The following DIAPH2 variants were observed in gnomAD, a reference collection of about 807,000 sequenced individuals.
DIAPH2 encodes diaphanous related formin 2.
DIAPH2 carries 35 observed loss-of-function variants against 92.7 expected under a neutral mutation model. That is an observed-to-expected ratio of 0.38 (90% CI 0.29 to 0.50). DIAPH2 has a LOEUF of 0.50. Among genes scored for constraint, DIAPH2 ranks in the 20% least tolerant of loss-of-function variants. The pLI, the probability that DIAPH2 is intolerant of heterozygous loss-of-function variation, is 0.94. For synonymous variants in DIAPH2, 301 were observed against 280.4 expected (o/e 1.07, Z -0.73); for missense variants, 701 against 819.5 (o/e 0.86, Z 1.77).
chrX:96,774,142 T>A (rs1356427743), intron 4 of DIAPH2, among the ~76,000 whole-genome samples: 1 of 111,821 alleles, frequency 8.9e-6, no homozygotes, highest in Non-Finnish European at 1.9e-5. Context: ...TAGGAAAGTG[T>A]GGCTTAGAAA....
At chrX:96,891,532 A>G (rs1462837155) in intron 5 of DIAPH2, among the ~76,000 whole-genome samples, 2 of 112,056 alleles carry the variant, frequency 1.8e-5, no homozygotes, top group Non-Finnish European at 3.8e-5. Flanking sequence ...ATGAGTTTGG[A>G]CAGTTTTATT....
chrX:96,731,054 A>C (rs918789433), intron 1 of DIAPH2, among the ~76,000 whole-genome samples: 3 of 111,027 alleles, frequency 2.7e-5, no homozygotes, highest in African/African-American at 9.8e-5. Context: ...TCACAAGGTA[A>C]TGTCATCAGT....
rs1418955273 is a variant in DIAPH2, at chrX:97,506,540, G to C, written c.3241+76795G>C. On this transcript the variant is annotated intron_variant, in intron 26 of 26. Transcript: ENST00000324765. Reference sequence around the variant, plus strand: ...TGCCATAATTCTTTCTTGGCTTATAGTTTCTGAAAGGTGTTGAAACGATTA... The same window carrying C: ...TGCCATAATTCTTTCTTGGCTTATACTTTCTGAAAGGTGTTGAAACGATTA... 3.0e-5 allele frequency among the ~76,000 whole-genome samples: 3 copies of C among 100,748 alleles called. No homozygotes were observed. The Admixed American group carries it at 3.4e-4, about 11-fold the overall frequency. 87.5% of individuals were successfully genotyped at this position (100,748 alleles called of 115,157 possible).
At chrX:97,501,121 A>G (rs182991711) in intron 26 of DIAPH2, among the ~76,000 whole-genome samples, 200 of 109,290 alleles carry the variant, frequency 1.8e-3, no homozygotes, top group Middle Eastern at 0.014. Context: ...CATTTAAGTG[A>G]ATGGCCCCCA....
rs144141687 is a variant in DIAPH2 at position 97,107,323 on chromosome X, C to T, written c.2350-7403C>T. Among the ~76,000 whole-genome samples, 363 of 111,524 alleles carry T rather than the reference C, an allele frequency of 3.3e-3. 1 individual carries two copies. Among genetic ancestry groups the T allele is most frequent in the African/African-American group, 0.011 (352 of 30,711 alleles). ...TTTTCAACACTCAATTTTTTCAAGG[C>T]TTCAATTCACAGATTAAGTATGGCC... On this transcript the variant is annotated intron_variant, in intron 20 of 26. Transcript: ENST00000324765.
intron 21 of DIAPH2, among the ~76,000 whole-genome samples, chrX:97,123,088 T>A (rs1313888083): frequency 8.9e-6 from 1 of 112,079 alleles, no homozygotes; most frequent in Non-Finnish European, 1.9e-5. Flanking sequence ...TTTAGACCTC[T>A]GAAATAACTA....
intron 9 of DIAPH2, among the ~76,000 whole-genome samples, chrX:96,923,154 A>T (rs2065557480): frequency 8.9e-6 from 1 of 112,377 alleles, no homozygotes; most frequent in African/African-American, 3.2e-5. Context: ...ATGTACTATC[A>T]AAACAGCCCC....
chrX:97,281,398 C>T (rs972195175), intron 23 of DIAPH2, among the ~76,000 whole-genome samples: 1 of 110,918 alleles, frequency 9.0e-6, no homozygotes, highest in Non-Finnish European at 1.9e-5. Context: ...TCATTTAAGG[C>T]TCCTGCGCCC....
intron 19 of DIAPH2, among the ~76,000 whole-genome samples, chrX:97,075,703 C>A (rs1292020770): frequency 8.1e-5 from 9 of 111,539 alleles, no homozygotes; most frequent in South Asian, 7.5e-4. Context: ...TAACTTTTAC[C>A]CAACTCTGTT....
chrX:97,012,486 G>C (rs1231202946), intron 17 of DIAPH2, among the ~76,000 whole-genome samples: 8 of 112,043 alleles, frequency 7.1e-5, no homozygotes, highest in Non-Finnish European at 1.5e-4. Flanking sequence ...TTGTCCACAT[G>C]TATATCCCAT....
rs769997531 is a variant in DIAPH2, at chrX:97,240,475, G to A, written c.2720-7240G>A. ...CAAAAAGTTAGCCGGGCGTGGTGGC[G>A]GGCGCCTGTAGTCCCAGCTACTCAG... On this transcript the variant is annotated intron_variant, in intron 22 of 26. Coordinates refer to ENST00000324765, the MANE Select transcript of DIAPH2 (RefSeq NM_006729.5). Among the ~76,000 whole-genome samples the A allele has an allele frequency of 4.4e-3, 484 of 109,726 alleles. 1 individual carries two copies. Among genetic ancestry groups the A allele is most frequent in the Non-Finnish European group, 7.8e-3 (413 of 52,712 alleles).
At position 96,916,310 on chromosome X, in the gene DIAPH2, T is replaced by G. The variant is rs2065503395; in HGVS notation, c.733-128T>G. On this transcript the variant is annotated intron_variant, in intron 7 of 26. Transcript: ENST00000324765. ...GACAGATAACTGCATTTGAAGAATA[T>G]TCATATAATTAGGTAGAACCTCATT... 4 of 550,988 alleles carry G rather than the reference T, an allele frequency of 7.3e-6. No individual in the cohort carries two copies. The Admixed American group carries it at 2.2e-4, about 30-fold the overall frequency. 45.4% of individuals were successfully genotyped at this position (550,988 alleles called of 1,213,427 possible). A position where few individuals can be genotyped will look rare whatever the true frequency, so the allele number is the denominator to read the frequency against.
intron 23 of DIAPH2, among the ~76,000 whole-genome samples, chrX:97,310,878 C>G (rs1000494504): frequency 2.7e-5 from 3 of 111,493 alleles, no homozygotes; most frequent in Non-Finnish European, 3.8e-5. Flanking sequence ...GGCATGGTGG[C>G]AGGCGCCTGT....
chrX:96,994,889 G>A (rs1160458855), intron 17 of DIAPH2, among the ~76,000 whole-genome samples: 2 of 111,197 alleles, frequency 1.8e-5, no homozygotes, highest in Admixed American at 9.6e-5. Flanking sequence ...CAGTTGACAC[G>A]TGGGGATTAT....
intron 23 of DIAPH2, among the ~76,000 whole-genome samples, chrX:97,287,299 C>T (rs963206112): frequency 1.0e-4 from 11 of 107,415 alleles, no homozygotes; most frequent in Non-Finnish European, 1.9e-5. Flanking sequence ...AGTGAAACTC[C>T]GTCGGGAAAA....
intron 26 of DIAPH2, among the ~76,000 whole-genome samples, chrX:97,559,041 A>G (rs950131191): frequency 8.9e-5 from 10 of 112,185 alleles, no homozygotes; most frequent in African/African-American, 3.2e-4. Flanking sequence ...TGGGTTTATC[A>G]GGGCGTAACC....
At chrX:96,855,474 AT>A (rs1478875670) in intron 4 of DIAPH2, among the ~76,000 whole-genome samples, 1 of 110,302 alleles carries the variant, frequency 9.1e-6, no homozygotes, top group African/African-American at 3.3e-5. Flanking sequence ...TTACAATTTT[AT>A]TGAATTTTGT....
At chrX:97,462,659 T>A (rs2070469245) in intron 26 of DIAPH2, among the ~76,000 whole-genome samples, 1 of 111,863 alleles carries the variant, frequency 8.9e-6, no homozygotes, top group Admixed American at 9.5e-5. Flanking sequence ...AGGCTTAAGC[T>A]ATTATCTGTC....
At chrX:96,988,591 C>G (rs982896179) in intron 17 of DIAPH2, among the ~76,000 whole-genome samples, 5 of 110,510 alleles carry the variant, frequency 4.5e-5, no homozygotes, top group African/African-American at 1.6e-4. Context: ...ATGTGATCAT[C>G]TAGAAAAACC....
Sources: allele counts gnomAD v4.1 joint callset (sites outside exome capture counted in the v4.1 genomes callset), GRCh38; gene constraint gnomAD v4.1.1; transcripts MANE v1.5; gene names NCBI Gene and HGNC (gene_info 2026-07-23, HGNC 2026-07-21).